Variants in UBR1 observed in about 807,000 individuals in gnomAD.
UBR1 encodes the protein E3 ubiquitin-protein ligase UBR1.
In UBR1, 102 loss-of-function variants were observed where a neutral mutation model predicts 242.1. That is an observed-to-expected ratio of 0.42 (90% confidence interval 0.36 to 0.50). The LOEUF is 0.50. UBR1 is among the 20% of genes least tolerant of loss of function. UBR1 has a pLI of 0.01. For missense variants in UBR1, 1,772 were observed against 2,101.8 expected, an observed-to-expected ratio of 0.84 and a Z score of 3.07; for synonymous variants, 675 against 684.8, an observed-to-expected ratio of 0.99 and a Z score of 0.22.
In UBR1 at chr15:43,059,115, A is replaced by G. The variant is rs752654841; in HGVS notation, c.1063T>C (p.Leu355=). ...TAAAGCTTTGCATCCCAAAGCATTA[A>G]CCTGCTTATGAGACAGGGATTCTCC... The part of the protein sequence containing the change: ...DSENPCLISR[L]MLWDAKLYKG... The change falls in exon 9 of 47, where the codon TTA becomes CTA. Residue 355 remains leucine, a synonymous_variant. Transcript: ENST00000290650. 1.1e-5 allele frequency: 17 copies of G among 1,614,042 alleles called. No individual in the cohort carries two copies. In the South Asian group the frequency reaches 1.9e-4, roughly 18 times the overall value.
At chr15:42,992,852 G>A (rs2032577085) in intron 33 of UBR1, among the ~76,000 whole-genome samples, 3 of 152,306 alleles carry the variant, frequency 2.0e-5, no homozygotes, top group East Asian at 1.9e-4. Context: ...TGCCCTTGGC[G>A]TGAAGCCACG....
chr15:42,953,590 ATCT>A (rs2031869151), intron 44 of UBR1, among the ~76,000 whole-genome samples: 2 of 152,312 alleles, frequency 1.3e-5, no homozygotes, highest in Admixed American at 6.5e-5. Flanking sequence ...TAAAGCCAAC[ATCT>A]TCTTTCATCT....
intron 41 of UBR1, 66 bp from the exon 42 acceptor site, chr15:42,964,109 G>A: frequency 9.2e-7 from 1 of 1,090,320 alleles, no homozygotes; most frequent in East Asian, 2.4e-5. Context: ...GTGCATTAGA[G>A]TTTCTTCACT....
intron 3 of UBR1, among the ~76,000 whole-genome samples, chr15:43,077,413 T>C (rs2033919970): frequency 1.3e-5 from 2 of 151,910 alleles, no homozygotes; most frequent in Non-Finnish European, 2.9e-5. Context: ...GGATTAAGGG[T>C]GCGAGATGTG....
Position 43,056,393 on chromosome 15 carries a change from C to G in UBR1, c.1232G>C (p.Ser411Thr). The change falls in exon 11 of 47, where the codon AGT (serine) becomes ACT (threonine). Residue 411 changes from serine (S) to threonine (T), a missense_variant. Physicochemically the swap from Ser to Thr is moderately conservative, Grantham distance 58. This residue lies in a region of UBR1 where 734 missense variants were observed against 893.3 expected (regional missense o/e 0.82). Transcript: ENST00000290650. ...KEYISDDHDR[S>T]ISITALSVQM... ...AACTGAAAGTGCAGTTATAGAGATA[C>G]TTCTGTCATGATCATCACTGATATA... The G allele has an allele frequency of 6.2e-7, 1 of 1,612,638 alleles. No individual in the cohort carries two copies. The highest frequency in any genetic ancestry group is 1.3e-5 in the African/African-American group (1 of 74,984).
At position 42,945,333 on chromosome 15, in the gene UBR1, A is replaced by G; in HGVS notation, c.5246T>C (p.Leu1749Pro). 6.2e-7 allele frequency: 1 copy of G among 1,614,214 alleles called. No homozygotes were observed. The highest frequency in any genetic ancestry group is 2.2e-5 in the East Asian group (1 of 44,886). ...QMLFGFNWQL[L>P] ...GTCTTGAGGCAGAGTTGGAGCTCAC[A>G]GTAACTGCCAGTTGAATCCAAATAA... Residue 1749 changes from leucine to proline, a missense_variant, in exon 47 of 47, where the codon CTG becomes CCG. Leu to Pro is a moderately conservative substitution (Grantham distance 98). Coordinates refer to ENST00000290650, the MANE Select transcript of UBR1 (RefSeq NM_174916.3).
intron 1 of UBR1, among the ~76,000 whole-genome samples, chr15:43,096,917 T>C (rs2034168690): frequency 6.6e-6 from 1 of 152,102 alleles, no homozygotes; most frequent in Admixed American, 6.6e-5. Flanking sequence ...CCTGTTCATG[T>C]TGATATTTTG....
chr15:43,099,436 T>C (rs915271357), intron 1 of UBR1, among the ~76,000 whole-genome samples: 3 of 152,014 alleles, frequency 2.0e-5, no homozygotes, highest in African/African-American at 7.2e-5. Flanking sequence ...TTTTAAAAAA[T>C]CCTCCCATTT....
At chr15:43,069,307 C>T (rs2033794321) in intron 5 of UBR1, among the ~76,000 whole-genome samples, 1 of 149,930 alleles carries the variant, frequency 6.7e-6, no homozygotes, top group Admixed American at 6.6e-5. Flanking sequence ...GAGACGGTCT[C>T]GCTCTGTCAC....
At position 42,958,040 on chromosome 15, in the gene UBR1, C is replaced by T; in HGVS notation, c.4808G>A (p.Cys1603Tyr). The change falls in exon 44 of 47, where the codon TGC becomes TAC. Residue 1603 changes from cysteine to tyrosine, a missense_variant. Physicochemically the swap from Cys to Tyr is radical, Grantham distance 194. This residue lies in a region of UBR1 where 965 missense variants were observed against 1,079.7 expected (regional missense o/e 0.89). Coordinates refer to ENST00000290650, the MANE Select transcript of UBR1 (RefSeq NM_174916.3). ...SLIELPDDYS[C>Y]LLNQASHFRC... ...GAAATGAGAAGCTTGATTCAGGAGG[C>T]AGCTATAGTCATCAGGAAGCTCTAT... 1.9e-6 allele frequency: 3 copies of T among 1,613,586 alleles called. No individual in the cohort carries two copies. The highest frequency in any genetic ancestry group is 1.7e-6 in the Non-Finnish European group (2 of 1,179,814).
chr15:43,044,674 C>A (rs1327337561), intron 14 of UBR1, among the ~76,000 whole-genome samples: 1 of 152,090 alleles, frequency 6.6e-6, no homozygotes, highest in Non-Finnish European at 1.5e-5. Flanking sequence ...GGGCAGATCA[C>A]GAGGTCAGGA....
intron 39 of UBR1, among the ~76,000 whole-genome samples, chr15:42,971,388 T>TCA (rs1339712257): frequency 1.3e-5 from 2 of 152,190 alleles, no homozygotes; most frequent in Non-Finnish European, 2.9e-5. Context: ...GCCAACTCTC[T>TCA]CACTTACATT....
At chr15:42,948,406 G>A (rs2031773251) in intron 46 of UBR1, among the ~76,000 whole-genome samples, 1 of 152,112 alleles carries the variant, frequency 6.6e-6, no homozygotes, top group African/African-American at 2.4e-5. Context: ...AAAAGTAATG[G>A]CAACAAAAGC....
intron 12 of UBR1, among the ~76,000 whole-genome samples, chr15:43,051,671 T>C (rs1217848918): frequency 6.6e-6 from 1 of 152,224 alleles, no homozygotes; most frequent in Non-Finnish European, 1.5e-5. Context: ...TTTACATTTT[T>C]GGTTTCTAAC....
intron 27 of UBR1, among the ~76,000 whole-genome samples, chr15:43,020,773 T>G (rs1244699177): frequency 1.3e-5 from 2 of 152,210 alleles, no homozygotes; most frequent in South Asian, 2.1e-4. Context: ...CACAGAGCTT[T>G]TGCACTGCTG....
chr15:42,953,288 C>T (rs2031864612), intron 44 of UBR1, among the ~76,000 whole-genome samples: 1 of 152,190 alleles, frequency 6.6e-6, no homozygotes, highest in Non-Finnish European at 1.5e-5. Flanking sequence ...CTATGCTGTA[C>T]ACTGAACACA....
Position 43,024,872 on chromosome 15 carries a change from A to G in UBR1, c.2696T>C (p.Ile899Thr), listed in dbSNP as rs2033158919. 1.2e-6 allele frequency: 2 copies of G among 1,614,174 alleles called. No individual in the cohort carries two copies. The highest frequency in any genetic ancestry group is 1.7e-6 in the Non-Finnish European group (2 of 1,180,026). ...YILRTVFERA[I>T]DTDSNLWTEG... Reference sequence around the variant, plus strand: ...GGTCCACAAGTTAGAATCTGTGTCTATTGCCCGCTCAAATACGGTCCTGAG... The same window carrying G: ...GGTCCACAAGTTAGAATCTGTGTCTGTTGCCCGCTCAAATACGGTCCTGAG... The change falls in exon 25 of 47, where the codon ATA becomes ACA. Residue 899 changes from isoleucine (I) to threonine (T), a missense_variant. Coordinates refer to ENST00000290650, the MANE Select transcript of UBR1 (RefSeq NM_174916.3).
rs552999491 is a variant in UBR1, at chr15:43,077,642, C to T, written c.418-2553G>A. On this transcript the variant is annotated intron_variant, in intron 3 of 46. Transcript: ENST00000290650. ...TCTGGGAGAAACACCCAAGAATGATCAATTAAAAAAAAAAAAATCTGAGAA... is the reference window on the plus strand; with the variant it reads ...TCTGGGAGAAACACCCAAGAATGATTAATTAAAAAAAAAAAAATCTGAGAA... Among the ~76,000 whole-genome samples, 190 of 74,090 alleles carry T rather than the reference C, an allele frequency of 2.6e-3. 1 individual carries two copies. The highest frequency in any genetic ancestry group is 1.0e-2 in the African/African-American group (186 of 18,604). 48.6% of individuals were successfully genotyped at this position (74,090 alleles called of 152,430 possible).
intron 4 of UBR1, among the ~76,000 whole-genome samples, chr15:43,072,100 C>T (rs1005216146): frequency 1.3e-5 from 2 of 152,206 alleles, no homozygotes; most frequent in African/African-American, 4.8e-5. Context: ...GATCCACCCA[C>T]TTCAGCCTCC....
Sources: gnomAD v4.1 joint callset for allele counts (sites outside exome capture counted in the v4.1 genomes callset) on GRCh38, gnomAD v4.1.1 for gene constraint, gnomAD v4.1.1 regional missense constraint, MANE v1.5 for transcripts, NCBI Gene and HGNC (gene_info 2026-07-23, HGNC 2026-07-21) for gene names.